Variants in EPB41L2 observed in about 807,000 individuals in gnomAD.
EPB41L2 encodes band 4.1-like protein 2.
A neutral mutation model predicts 113.0 loss-of-function variants in EPB41L2; 43 were observed. The observed-to-expected ratio is 0.38, with a 90% confidence interval of 0.30 to 0.49. The LOEUF is 0.49. Ranked by LOEUF, EPB41L2 falls within the 20% of genes least tolerant of loss-of-function variation. The probability of loss-of-function intolerance (pLI) is 0.95; values close to 1 mark genes in which losing one functional copy is unlikely to be tolerated. For synonymous variants in EPB41L2, 442 were observed against 436.7 expected, an observed-to-expected ratio of 1.01 and a Z score of -0.15; for missense variants, 1,147 against 1,223.4, an observed-to-expected ratio of 0.94 and a Z score of 0.93.
At chr6:131,009,325 C>G (rs938927926) in intron 1 of EPB41L2, among the ~76,000 whole-genome samples, 4 of 152,060 alleles carry the variant, frequency 2.6e-5, no homozygotes, top group African/African-American at 9.7e-5. Context: ...CTGAGGCCTC[C>G]CCAGCCATGT....
chr6:131,039,719 T>C (rs571464800), intron 1 of EPB41L2, among the ~76,000 whole-genome samples: 1 of 152,162 alleles, frequency 6.6e-6, no homozygotes. Flanking sequence ...AGGAGCCAGT[T>C]TGAAGAGGAT....
chr6:130,899,732 A>C (rs1350250142), intron 7 of EPB41L2, among the ~76,000 whole-genome samples, 154 bp from the exon 8 acceptor site: 1 of 152,178 alleles, frequency 6.6e-6, no homozygotes, highest in East Asian at 1.9e-4. Flanking sequence ...AACAACTCTC[A>C]ACCTCTAACA....
At chr6:131,045,865 A>T (rs1299385636) in intron 1 of EPB41L2, among the ~76,000 whole-genome samples, 1 of 152,126 alleles carries the variant, frequency 6.6e-6, no homozygotes, top group Non-Finnish European at 1.5e-5. Context: ...ATTTTTTCCA[A>T]AGTTGTTTAT....
chr6:130,900,360 T>C (rs1795956593), intron 7 of EPB41L2, among the ~76,000 whole-genome samples: 1 of 152,248 alleles, frequency 6.6e-6, no homozygotes, highest in Non-Finnish European at 1.5e-5. Flanking sequence ...AATTATCATT[T>C]TGTAGCTAGC....
intron 1 of EPB41L2, among the ~76,000 whole-genome samples, chr6:131,051,452 C>CAAAAAAAA (rs547631535): frequency 1.6e-4 from 16 of 101,774 alleles, no homozygotes; most frequent in East Asian, 2.4e-4. Flanking sequence ...AAAAGTAAAG[C>CAAAAAAAA]AAAAAAAAAA....
chr6:130,973,314 T>C (rs1201332070), intron 1 of EPB41L2, among the ~76,000 whole-genome samples: 1 of 152,110 alleles, frequency 6.6e-6, no homozygotes, highest in African/African-American at 2.4e-5. Flanking sequence ...GAAGTAAATT[T>C]TACTACCCAT....
At chr6:131,025,679 A>G (rs1790703483) in intron 1 of EPB41L2, among the ~76,000 whole-genome samples, 1 of 152,168 alleles carries the variant, frequency 6.6e-6, no homozygotes, top group Admixed American at 6.6e-5. Context: ...TCTGTCATCT[A>G]TTCCTTGCAA....
intron 1 of EPB41L2, among the ~76,000 whole-genome samples, chr6:131,023,736 T>C (rs28645682): frequency 1.1e-5 from 1 of 89,604 alleles, no homozygotes; most frequent in Non-Finnish European, 2.7e-5. Flanking sequence ...TGTGTATATA[T>C]ATCTATATAT....
chr6:131,032,619 G>C (rs1792413687), intron 1 of EPB41L2, among the ~76,000 whole-genome samples: 1 of 151,970 alleles, frequency 6.6e-6, no homozygotes, highest in Admixed American at 6.6e-5. Flanking sequence ...TTACAGAAAA[G>C]TAACAGAAAA....
chr6:130,867,406 G>C, intron 16 of EPB41L2, 53 bp downstream of exon 16: 1 of 1,582,512 alleles, frequency 6.3e-7, no homozygotes, highest in Non-Finnish European at 8.6e-7. Context: ...TGAAAACATA[G>C]ATACACTAAG....
chr6:131,026,538 T>A (rs1269477766), intron 1 of EPB41L2, among the ~76,000 whole-genome samples: 12 of 152,232 alleles, frequency 7.9e-5, no homozygotes. Flanking sequence ...AGACTGAATC[T>A]GTGTATCTAA....
intron 1 of EPB41L2, among the ~76,000 whole-genome samples, chr6:130,971,069 G>A (rs1270804744): frequency 6.6e-6 from 1 of 151,916 alleles, no homozygotes; most frequent in Non-Finnish European, 1.5e-5. Context: ...ATTTTTTTAC[G>A]TTTTTGTAGA....
chr6:130,860,694 G>A lies in EPB41L2; in HGVS notation c.2911-2451C>T, dbSNP rs571606289. ...ACTACAGGCGCCTGCCACTGCGCCCGGCTAATTTTTTTTCTATTTTTAGTA... is the reference window on the plus strand; with the variant it reads ...ACTACAGGCGCCTGCCACTGCGCCCAGCTAATTTTTTTTCTATTTTTAGTA... On this transcript the variant is annotated intron_variant, in intron 18 of 19. Transcript: ENST00000337057. 5.8e-3 allele frequency among the ~76,000 whole-genome samples: 890 copies of A among 152,138 alleles called. 3 individuals are homozygous for A. Among genetic ancestry groups the A allele is most frequent in the Middle Eastern group, 0.014 (4 of 294 alleles).
At chr6:130,948,416 A>ACTT (rs1813668100) in intron 3 of EPB41L2, among the ~76,000 whole-genome samples, 1 of 152,218 alleles carries the variant, frequency 6.6e-6, no homozygotes, top group African/African-American at 2.4e-5. Flanking sequence ...AAGATGGGGA[A>ACTT]AGAGGCGAGT....
At chr6:131,015,660 A>G (rs1455218229) in intron 1 of EPB41L2, among the ~76,000 whole-genome samples, 1 of 152,228 alleles carries the variant, frequency 6.6e-6, no homozygotes, top group Non-Finnish European at 1.5e-5. Context: ...CTAAAAAACA[A>G]AAGAGATGAA....
At chr6:131,037,538 T>A (rs1008755451) in intron 1 of EPB41L2, among the ~76,000 whole-genome samples, 1 of 151,072 alleles carries the variant, frequency 6.6e-6, no homozygotes, top group African/African-American at 2.4e-5. Flanking sequence ...ATTATGGTAA[T>A]TTTTTTTTCA....
chr6:130,923,773 G>A (rs1261226687), intron 4 of EPB41L2, among the ~76,000 whole-genome samples: 2 of 152,234 alleles, frequency 1.3e-5, no homozygotes, highest in African/African-American at 2.4e-5. Context: ...TTTACGGTTA[G>A]AGCCTCAGCA....
chr6:130,897,646 G>C (rs992439598), intron 8 of EPB41L2, among the ~76,000 whole-genome samples: 2 of 152,064 alleles, frequency 1.3e-5, no homozygotes, highest in Admixed American at 6.5e-5. Flanking sequence ...AGCTCTTTTT[G>C]GTCTCAAACA....
chr6:130,997,028 G>A (rs539223066), intron 1 of EPB41L2, among the ~76,000 whole-genome samples: 2 of 152,288 alleles, frequency 1.3e-5, no homozygotes, highest in East Asian at 1.9e-4. Context: ...GTGCCATGTG[G>A]TATAGATTTA....
Sources: gnomAD v4.1 joint callset for allele counts (sites outside exome capture counted in the v4.1 genomes callset) on GRCh38, gnomAD v4.1.1 for gene constraint, MANE v1.5 for transcripts, NCBI Gene and HGNC (gene_info 2026-07-23, HGNC 2026-07-21) for gene names.